The following RTN1 variants were observed in gnomAD, a reference collection of about 807,000 sequenced individuals.
The protein encoded by RTN1 is reticulon 1.
RTN1 carries 25 observed loss-of-function variants against 65.5 expected under a neutral mutation model. The observed-to-expected ratio is 0.38, with a 90% CI of 0.28 to 0.53. The LOEUF (loss-of-function observed/expected upper bound fraction) is 0.53. Among genes scored for constraint, RTN1 ranks in the 20% least tolerant of loss-of-function variants. The pLI is 0.79. For synonymous variants in RTN1, 471 were observed against 447.6 expected, an observed-to-expected ratio of 1.05 and a Z score of -0.66; for missense variants, 983 against 1,025.4, an observed-to-expected ratio of 0.96 and a Z score of 0.57.
chr14:59,870,297 C>T lies in RTN1; in HGVS notation c.241+93G>A, dbSNP rs937148811. 2.9e-5 allele frequency: 37 copies of T among 1,268,036 alleles called. No homozygotes were observed. In the East Asian group the frequency reaches 1.1e-3, roughly 36 times the overall value. The allele number at this position is 1,268,036 out of a possible 1,614,324, so 78.5% of individuals were successfully genotyped here. A position where few individuals can be genotyped will look rare whatever the true frequency, so the allele number is the denominator to read the frequency against. ...GGGTCGGCGCTCAAGGCAGAAAGCG[C>T]GAGGCAGGTGCCCAGGAGAGCCGCG... is the stretch of plus-strand genomic sequence containing the variant. On this transcript the variant is annotated intron_variant, in intron 1 of 8. Coordinates refer to ENST00000267484, the MANE Select transcript of RTN1 (RefSeq NM_021136.3). The surrounding 1 kb of genome is among the most constrained non-coding windows in gnomAD (Gnocchi z 5.1).
chr14:59,713,715 G>A (rs1400414634), intron 3 of RTN1, among the ~76,000 whole-genome samples: 1 of 152,176 alleles, frequency 6.6e-6, no homozygotes, highest in East Asian at 1.9e-4. Flanking sequence ...TTTAGAGAGT[G>A]CCAGCTACTC....
chr14:59,742,709 GCTTT>G (rs1885138456), intron 2 of RTN1, among the ~76,000 whole-genome samples: 1 of 152,020 alleles, frequency 6.6e-6, no homozygotes, highest in African/African-American at 2.4e-5. Flanking sequence ...TGCTTAACAT[GCTTT>G]CTTTTTCCTC....
intron 1 of RTN1, among the ~76,000 whole-genome samples, chr14:59,799,423 G>A (rs1432502620): frequency 6.6e-6 from 1 of 152,166 alleles, no homozygotes; most frequent in African/African-American, 2.4e-5. Context: ...GGCCATCAGA[G>A]AGTTGAGGTA....
At chr14:59,708,234 A>G (rs1017616454) in intron 3 of RTN1, among the ~76,000 whole-genome samples, 4 of 152,248 alleles carry the variant, frequency 2.6e-5, no homozygotes, top group African/African-American at 9.6e-5. Context: ...CCACAGTCTC[A>G]GGAATCTGTT....
intron 1 of RTN1, among the ~76,000 whole-genome samples, chr14:59,847,719 T>A (rs1467740125): frequency 2.0e-5 from 3 of 152,176 alleles, no homozygotes; most frequent in Non-Finnish European, 4.4e-5. Context: ...TATGCCTCCT[T>A]CTAAACCTCC....
In RTN1 at chr14:59,745,973, G is replaced by C; in HGVS notation, c.750C>G (p.Ile250Met). 6.2e-7 allele frequency: 1 copy of C among 1,614,144 alleles called. No homozygotes were observed. Among genetic ancestry groups the C allele is most frequent in the African/African-American group, 1.3e-5 (1 of 75,030 alleles). Reference sequence around the variant, plus strand: ...TGGATTCTTCCAATAAATGGTCCTTGATGATTTTTCCCTCCACAGGAGCTG... The same window carrying C: ...TGGATTCTTCCAATAAATGGTCCTTCATGATTTTTCCCTCCACAGGAGCTG... ...DKPAPVEGKI[I>M]KDHLLEESTF... is the part of the protein sequence containing the mutation. Residue 250 changes from isoleucine (I) to methionine (M), a missense_variant, in exon 2 of 9, where the codon ATC becomes ATG. Coordinates refer to ENST00000267484, the MANE Select transcript of RTN1 (RefSeq NM_021136.3).
At chr14:59,772,191 TA>T (rs1459142006) in intron 1 of RTN1, among the ~76,000 whole-genome samples, 3 of 152,228 alleles carry the variant, frequency 2.0e-5, no homozygotes, top group Non-Finnish European at 2.9e-5. Context: ...TGTTTGTTTT[TA>T]TATAATGTAA....
chr14:59,836,059 A>G lies in RTN1; in HGVS notation c.241+34331T>C, dbSNP rs142647317. Reference sequence around the variant, plus strand: ...ACTTCAATTCTGATTCCATCATCACATCTCCTCTCACTCTGACTCTGCTTC... The same window carrying G: ...ACTTCAATTCTGATTCCATCATCACGTCTCCTCTCACTCTGACTCTGCTTC... On this transcript the variant is annotated intron_variant, in intron 1 of 8. Transcript: ENST00000267484. This position sits in a 1 kb window ranked among gnomAD's most constrained non-coding sequence, Gnocchi z 4.9. Among the ~76,000 whole-genome samples the G allele has an allele frequency of 5.4e-3, 824 of 152,138 alleles. 10 individuals are homozygous for G. Among genetic ancestry groups the G allele is most frequent in the East Asian group, 0.021 (107 of 5,164 alleles).
intron 1 of RTN1, among the ~76,000 whole-genome samples, chr14:59,824,235 T>C (rs1886992201): frequency 6.6e-6 from 1 of 152,346 alleles, no homozygotes; most frequent in Non-Finnish European, 1.5e-5. Flanking sequence ...AAGTTTTATG[T>C]ATTCTAATAA....
intron 1 of RTN1, among the ~76,000 whole-genome samples, chr14:59,835,838 A>G (rs994434324): frequency 6.6e-6 from 1 of 152,228 alleles, no homozygotes; most frequent in African/African-American, 2.4e-5. Context: ...TTGCTGCTAT[A>G]ACAAATTACC....
At chr14:59,822,737 T>G (rs1219325538) in intron 1 of RTN1, among the ~76,000 whole-genome samples, 1 of 152,142 alleles carries the variant, frequency 6.6e-6, no homozygotes, top group Non-Finnish European at 1.5e-5. Flanking sequence ...GTTTTTTTAA[T>G]TTTTGCCTTG....
At chr14:59,639,765 T>C (rs1025232457) in intron 3 of RTN1, among the ~76,000 whole-genome samples, 2 of 152,222 alleles carry the variant, frequency 1.3e-5, no homozygotes, top group Admixed American at 6.5e-5. Flanking sequence ...TATCAAATAC[T>C]TTTTCTAAAG....
intron 2 of RTN1, among the ~76,000 whole-genome samples, chr14:59,735,658 T>G (rs1346921029): frequency 1.3e-5 from 2 of 152,186 alleles, no homozygotes; most frequent in Non-Finnish European, 2.9e-5. Flanking sequence ...TACATAATGG[T>G]AAAGGATTCA....
At chr14:59,622,181 C>G (rs1004003462) in intron 3 of RTN1, among the ~76,000 whole-genome samples, 1 of 152,034 alleles carries the variant, frequency 6.6e-6, no homozygotes, top group African/African-American at 2.4e-5. Context: ...ACTAAAAATA[C>G]AAAAAGAAAA....
intron 1 of RTN1, among the ~76,000 whole-genome samples, chr14:59,797,406 G>C (rs1886460034): frequency 6.6e-6 from 1 of 152,176 alleles, no homozygotes; most frequent in South Asian, 2.1e-4. Flanking sequence ...GGAACCAGTG[G>C]ATTCTGATTC....
rs376275504 is a variant in RTN1, at chr14:59,655,717, TG to T, written c.1766-48226del. Among the ~76,000 whole-genome samples, 826 of 152,252 alleles carry T rather than the reference TG, an allele frequency of 5.4e-3. 8 individuals carry two copies. The highest frequency in any genetic ancestry group is 0.017 in the African/African-American group (709 of 41,536). On this transcript the variant is annotated intron_variant, in intron 3 of 8. Transcript: ENST00000267484. ...TAACAAGGGTGCCAAGACCATTCAG[TG>T]GGGGAGAGAATTTTCTGTATTTTCA...
chr14:59,776,037 C>A lies in RTN1; in HGVS notation c.242-29556G>T, dbSNP rs180712464. ...ATAATAAAGTTTAGGGCATTTCTAG[C>A]ACTTTCCTAGTCATTTTCTATCACT... is the stretch of plus-strand genomic sequence containing the variant. On this transcript the variant is annotated intron_variant, in intron 1 of 8. Coordinates refer to ENST00000267484, the MANE Select transcript of RTN1 (RefSeq NM_021136.3). Among the ~76,000 whole-genome samples the A allele has an allele frequency of 4.3e-4, 66 of 152,246 alleles. 1 individual carries two copies. In the East Asian group the frequency reaches 0.012, roughly 27 times the overall value.
intron 1 of RTN1, among the ~76,000 whole-genome samples, chr14:59,759,782 A>C (rs1885711401): frequency 6.6e-6 from 1 of 152,300 alleles, no homozygotes; most frequent in Non-Finnish European, 1.5e-5. Flanking sequence ...ATAAAAATGC[A>C]AATTGAAAAA....
intron 1 of RTN1, among the ~76,000 whole-genome samples, chr14:59,840,085 C>G (rs1887284840): frequency 6.6e-6 from 1 of 152,020 alleles, no homozygotes; most frequent in South Asian, 2.1e-4. Flanking sequence ...ATGCTTTGCC[C>G]TTTATTCAAT....
Sources: gnomAD v4.1 joint callset for allele counts (sites outside exome capture counted in the v4.1 genomes callset) on GRCh38, gnomAD v4.1.1 for gene constraint, Gnocchi (gnomAD v3.1) non-coding constraint, MANE v1.5 for transcripts, NCBI Gene and HGNC (gene_info 2026-07-23, HGNC 2026-07-21) for gene names.